Variants in AFM observed in about 807,000 individuals in gnomAD.
The protein encoded by AFM is afamin, also known as alpha-Alb.
In AFM, 82 loss-of-function variants were observed where a neutral mutation model predicts 68.7. That is an observed-to-expected ratio of 1.19 (90% CI 1.00 to 1.43). The LOEUF (loss-of-function observed/expected upper bound fraction) is 1.43, where lower values mean the gene tolerates loss of function less well. Ranked by LOEUF, AFM falls within the 40% of genes most tolerant of loss-of-function variation. The probability of loss-of-function intolerance (pLI) is 0.00; values close to 1 mark genes in which losing one functional copy is unlikely to be tolerated. For missense variants in AFM, 772 were observed against 701.8 expected, an observed-to-expected ratio of 1.10 and a Z score of -1.13; for synonymous variants, 250 against 234.2, an observed-to-expected ratio of 1.07 and a Z score of -0.61.
chr4:73,483,876 G>T, intron 1 of AFM, 65 bp from the exon 2 acceptor site: 1 of 1,336,576 alleles, frequency 7.5e-7, no homozygotes. Flanking sequence ...GCCATGTATA[G>T]TTATTTATTT....
intron 8 of AFM, among the ~76,000 whole-genome samples, chr4:73,492,849 T>C (rs890593893): frequency 7.3e-5 from 11 of 149,936 alleles, no homozygotes; most frequent in Admixed American, 6.0e-4. Context: ...TAATGTAATA[T>C]AATCCAGGGA....
intron 7 of AFM, among the ~76,000 whole-genome samples, chr4:73,489,000 G>A (rs538864880): frequency 1.3e-5 from 2 of 152,218 alleles, no homozygotes; most frequent in South Asian, 4.1e-4. Context: ...ATGTCTTGAT[G>A]TAAAACTTCA....
At chr4:73,491,521 T>C (rs1721070274) in intron 7 of AFM, among the ~76,000 whole-genome samples, 1 of 152,174 alleles carries the variant, frequency 6.6e-6, no homozygotes, top group South Asian at 2.1e-4. Flanking sequence ...TGGCCTCCAC[T>C]GAAAACACAA....
intron 6 of AFM, 80 bp from the exon 7 acceptor site, chr4:73,488,550 C>A: frequency 7.9e-7 from 1 of 1,273,198 alleles, no homozygotes; most frequent in Non-Finnish European, 1.1e-6. Flanking sequence ...TGTAGCTATT[C>A]ATATCATATT....
At chr4:73,488,219 T>C (rs1453943031) in intron 6 of AFM, among the ~76,000 whole-genome samples, 1 of 152,202 alleles carries the variant, frequency 6.6e-6, no homozygotes, top group African/African-American at 2.4e-5. Flanking sequence ...CTCACCCTAA[T>C]CAATTAGTAA....
chr4:73,494,660 T>G (rs1721202201), intron 8 of AFM, among the ~76,000 whole-genome samples: 1 of 152,242 alleles, frequency 6.6e-6, no homozygotes, highest in South Asian at 2.1e-4. Context: ...CTATATCTGT[T>G]ATGCCCAAAG....
rs200798387 is a variant in AFM, at chr4:73,495,319, A to G, written c.1078A>G (p.Arg360Gly). 163 of 1,593,278 alleles carry G rather than the reference A, an allele frequency of 1.0e-4. No homozygotes were observed. Among genetic ancestry groups the G allele is most frequent in the Middle Eastern group, 1.0e-3 (6 of 6,012 alleles). The change falls in exon 9 of 15, where the codon AGG becomes GGG. Residue 360 changes from arginine to glycine, a missense_variant. Physicochemically the swap from Arg to Gly is moderately radical, Grantham distance 125 (BLOSUM62 -2). Transcript: ENST00000226355. ...FFAKFTFEYS[R>G]RHPDLSIPEL... The stretch of plus-strand genomic sequence containing the variant: ...TTGCAGGTTTACTTTTGAATACTCA[A>G]GGAGACATCCAGACCTGTCTATACC...
chr4:73,483,250 C>G (rs776444491), intron 1 of AFM, among the ~76,000 whole-genome samples: 1 of 152,090 alleles, frequency 6.6e-6, no homozygotes, highest in African/African-American at 2.4e-5. Context: ...ATAAAGCATT[C>G]CCAACTTAAT....
intron 7 of AFM, among the ~76,000 whole-genome samples, chr4:73,491,348 G>A (rs1299790369): frequency 6.6e-6 from 1 of 152,192 alleles, no homozygotes; most frequent in African/African-American, 2.4e-5. Context: ...GATACCATGA[G>A]TGGAATAGCT....
chr4:73,485,989 T>G lies in AFM; in HGVS notation c.398T>G (p.Val133Gly), dbSNP rs781541914. 1.2e-6 allele frequency: 2 copies of G among 1,614,070 alleles called. No homozygotes were observed. The highest frequency in any genetic ancestry group is 1.7e-6 in the Non-Finnish European group (2 of 1,179,978). The change falls in exon 4 of 15, where the codon GTG becomes GGG. Residue 133 changes from valine to glycine, a missense_variant. By Grantham distance (109) the Val-to-Gly change is moderately radical. Coordinates refer to ENST00000226355, the MANE Select transcript of AFM (RefSeq NM_001133.2). ...TTCTTCTATAACAAGAAATCTGATGTGGGATTTCTGCCTCCTTTCCCTACC... is the reference window on the plus strand; with the variant it reads ...TTCTTCTATAACAAGAAATCTGATGGGGGATTTCTGCCTCCTTTCCCTACC... ...LCFFYNKKSD[V>G]GFLPPFPTLD...
At chr4:73,488,467 G>A (rs1244668704) in intron 6 of AFM, among the ~76,000 whole-genome samples, 163 bp from the exon 7 acceptor site, 1 of 152,096 alleles carries the variant, frequency 6.6e-6, no homozygotes, top group African/African-American at 2.4e-5. Context: ...AAGTGATCAT[G>A]TAGGCTGTGC....
chr4:73,482,396 C>G (rs906004943), intron 1 of AFM, among the ~76,000 whole-genome samples: 1 of 152,202 alleles, frequency 6.6e-6, no homozygotes, highest in African/African-American at 2.4e-5. Flanking sequence ...ATATTTTGAA[C>G]CTCATATGTC....
intron 6 of AFM, 107 bp from the exon 7 acceptor site, chr4:73,488,523 A>G: frequency 2.1e-6 from 2 of 934,854 alleles, no homozygotes; most frequent in South Asian, 1.8e-5. Flanking sequence ...AACAACAGCA[A>G]TGGTGGCAAT....
intron 7 of AFM, among the ~76,000 whole-genome samples, 176 bp from the exon 8 acceptor site, chr4:73,491,696 A>T (rs191413137): frequency 1.8e-4 from 27 of 152,338 alleles, no homozygotes; most frequent in Admixed American, 6.5e-4. Flanking sequence ...TTTAATGTAA[A>T]ACTTCATGTG....
At chr4:73,499,082 A>G (rs1264157774) in intron 10 of AFM, 32 bp from the exon 11 acceptor site, 13 of 1,599,684 alleles carry the variant, frequency 8.1e-6, no homozygotes, top group Non-Finnish European at 1.1e-5. Context: ...ATCTGCTTTC[A>G]TTCAGAACCA....
intron 14 of AFM, 117 bp downstream of exon 14, chr4:73,503,227 T>A (rs755745707): frequency 3.8e-5 from 30 of 785,532 alleles, no homozygotes; most frequent in Non-Finnish European, 6.1e-5. Flanking sequence ...GAACAAGAAA[T>A]GCACATGTAG....
chr4:73,487,995 A>G (rs1430602188), intron 6 of AFM, among the ~76,000 whole-genome samples, 174 bp downstream of exon 6: 1 of 152,018 alleles, frequency 6.6e-6, no homozygotes, highest in Middle Eastern at 3.2e-3. Flanking sequence ...AGATGAGAGA[A>G]GTTTTGGGAG....
intron 1 of AFM, among the ~76,000 whole-genome samples, 193 bp from the exon 2 acceptor site, chr4:73,483,748 C>T (rs778140232): frequency 8.5e-5 from 13 of 152,210 alleles, no homozygotes; most frequent in Non-Finnish European, 1.9e-4. Flanking sequence ...TTCTTGAACA[C>T]ATAATCAACA....
At chr4:73,483,542 C>A (rs1720773481) in intron 1 of AFM, among the ~76,000 whole-genome samples, 1 of 152,232 alleles carries the variant, frequency 6.6e-6, no homozygotes, top group African/African-American at 2.4e-5. Flanking sequence ...CACCAGCATG[C>A]TACAGCATCT....
Sources: allele counts gnomAD v4.1 joint callset (sites outside exome capture counted in the v4.1 genomes callset), GRCh38; gene constraint gnomAD v4.1.1; transcripts MANE v1.5; gene names NCBI Gene and HGNC (gene_info 2026-07-23, HGNC 2026-07-21).